Variants in LRP1B observed in about 807,000 individuals in gnomAD.
LRP1B encodes LDL receptor related protein 1B.
LRP1B carries 217 observed loss-of-function variants against 556.6 expected under a neutral mutation model. The ratio of observed to expected loss-of-function variants is 0.39; its 90% CI spans 0.35 to 0.44. The LOEUF is 0.44. Ranked by LOEUF, LRP1B falls within the 20% of genes least tolerant of loss-of-function variation. The probability of loss-of-function intolerance (pLI) is 1.00; values close to 1 mark genes in which losing one functional copy is unlikely to be tolerated. For synonymous variants in LRP1B, 2,047 were observed against 1,865.8 expected (o/e 1.10, Z -2.50); for missense variants, 5,053 against 5,620.8 (o/e 0.90, Z 3.23).
At chr2:141,028,542 C>A (rs1300940783) in intron 11 of LRP1B, among the ~76,000 whole-genome samples, 2 of 151,824 alleles carry the variant, frequency 1.3e-5, no homozygotes, top group Admixed American at 6.6e-5. Flanking sequence ...CAAGATTCAA[C>A]TGAAAATTCC....
At chr2:141,483,091 C>A (rs1247074866) in intron 2 of LRP1B, among the ~76,000 whole-genome samples, 1 of 150,566 alleles carries the variant, frequency 6.6e-6, no homozygotes, top group East Asian at 2.0e-4. Flanking sequence ...TTAGGTGTAT[C>A]TCCTAATGCT....
intron 33 of LRP1B, among the ~76,000 whole-genome samples, 168 bp downstream of exon 33, chr2:140,775,930 A>G (rs902410993): frequency 1.3e-5 from 2 of 152,212 alleles, no homozygotes; most frequent in African/African-American, 4.8e-5. Context: ...CTCATTATGC[A>G]TCTATATTAA....
intron 1 of LRP1B, among the ~76,000 whole-genome samples, chr2:141,940,488 T>G (rs1042672444): frequency 9.9e-5 from 15 of 152,226 alleles, no homozygotes; most frequent in African/African-American, 3.6e-4. Context: ...TAGAGAAGGG[T>G]TGCTGTGACT....
intron 11 of LRP1B, among the ~76,000 whole-genome samples, chr2:141,021,979 TTTTC>T (rs1470705820): frequency 1.3e-5 from 2 of 151,940 alleles, no homozygotes; most frequent in African/African-American, 2.4e-5. Context: ...CTTCTGTCTC[TTTTC>T]TTTAAGGGTA....
intron 2 of LRP1B, among the ~76,000 whole-genome samples, chr2:141,604,008 A>G (rs1687835718): frequency 6.6e-6 from 1 of 152,168 alleles, no homozygotes; most frequent in East Asian, 1.9e-4. Context: ...CTAATTCTTC[A>G]CAGAAGATTC....
chr2:140,833,820 G>T (rs2105081311), intron 31 of LRP1B, among the ~76,000 whole-genome samples: 1 of 152,172 alleles, frequency 6.6e-6, no homozygotes, highest in East Asian at 1.9e-4. Context: ...CAAAGGTTAT[G>T]TTTAATATGT....
At chr2:140,690,714 T>C (rs1686206674) in intron 41 of LRP1B, among the ~76,000 whole-genome samples, 5 of 152,270 alleles carry the variant, frequency 3.3e-5, no homozygotes, top group Middle Eastern at 3.4e-3. Context: ...TCAATGACCA[T>C]GTAACCCTTT....
chr2:141,814,171 A>G (rs549498630), intron 1 of LRP1B, among the ~76,000 whole-genome samples: 1 of 152,318 alleles, frequency 6.6e-6, no homozygotes, highest in Non-Finnish European at 1.5e-5. Context: ...AGAAGAGTAC[A>G]AAACGGGACA....
At chr2:141,241,808 G>A (rs1382205314) in intron 5 of LRP1B, among the ~76,000 whole-genome samples, 1 of 151,546 alleles carries the variant, frequency 6.6e-6, no homozygotes, top group Non-Finnish European at 1.5e-5. Flanking sequence ...CTATGCTGGT[G>A]CTGGTGACTA....
chr2:140,297,082 G>A (rs1204791192), intron 84 of LRP1B, among the ~76,000 whole-genome samples: 4 of 152,086 alleles, frequency 2.6e-5, no homozygotes, highest in Non-Finnish European at 1.5e-5. Flanking sequence ...CCAAGAGGGA[G>A]GGGTCAGGAC....
At chr2:140,278,110 TA>T (rs1682760819) in intron 84 of LRP1B, among the ~76,000 whole-genome samples, 1 of 151,026 alleles carries the variant, frequency 6.6e-6, no homozygotes, top group South Asian at 2.1e-4. Context: ...TTGAGAAAAA[TA>T]GACACAAAAT....
rs541950745 is a variant in LRP1B, at chr2:141,548,622, G to A, written c.206-68089C>T. On this transcript the variant is annotated intron_variant, in intron 2 of 90. Coordinates refer to ENST00000389484, the MANE Select transcript of LRP1B (RefSeq NM_018557.3). The stretch of plus-strand genomic sequence containing the variant: ...AATAAAGATCTTTGACCTTGGGTAG[G>A]ATTTTTTTTGGTACATGACCCAAGA... 3.2e-3 allele frequency among the ~76,000 whole-genome samples: 492 copies of A among 152,240 alleles called. 6 individuals are homozygous for A. Among genetic ancestry groups the A allele is most frequent in the African/African-American group, 0.011 (464 of 41,566 alleles).
At chr2:141,899,975 C>A in intron 1 of LRP1B, among the ~76,000 whole-genome samples, 1 of 151,944 alleles carries the variant, frequency 6.6e-6, no homozygotes, top group Non-Finnish European at 1.5e-5. Flanking sequence ...CAAAGTGCAA[C>A]CTGGAATACC....
chr2:141,514,786 A>G (rs1684252541), intron 2 of LRP1B, among the ~76,000 whole-genome samples: 1 of 152,200 alleles, frequency 6.6e-6, no homozygotes, highest in African/African-American at 2.4e-5. Context: ...AAACAAATCT[A>G]TTTTATAATA....
chr2:140,563,614 C>A (rs2380887), intron 43 of LRP1B, among the ~76,000 whole-genome samples: 65,813 of 151,852 alleles, frequency 0.43, 14,551 homozygotes, highest in Middle Eastern at 0.59. Flanking sequence ...AAATGGAGTA[C>A]TTTTATCAAA....
intron 63 of LRP1B, among the ~76,000 whole-genome samples, chr2:140,445,653 T>C (rs1416495743): frequency 1.3e-5 from 2 of 152,150 alleles, no homozygotes; most frequent in Non-Finnish European, 1.5e-5. Context: ...GAGGATCTAC[T>C]ATGTATCAGG....
chr2:140,948,891 T>A (rs1380922759), intron 20 of LRP1B, among the ~76,000 whole-genome samples: 1 of 152,214 alleles, frequency 6.6e-6, no homozygotes, highest in Non-Finnish European at 1.5e-5. Context: ...CTGGGCTTTT[T>A]AAAAACCTAG....
At chr2:140,783,518 AT>A (rs58491347) in intron 32 of LRP1B, among the ~76,000 whole-genome samples, 63,526 of 151,958 alleles carry the variant, frequency 0.42, 13,503 homozygotes, top group African/African-American at 0.48. Context: ...CAGATGAAGA[AT>A]AGGAGAGAAG....
intron 2 of LRP1B, 125 bp from the exon 3 acceptor site, chr2:141,480,658 G>T: frequency 1.1e-6 from 1 of 930,832 alleles, no homozygotes; most frequent in Non-Finnish European, 1.7e-6. Flanking sequence ...TAAGAGTGCT[G>T]CTCTTGTTCT....
Sources: allele counts gnomAD v4.1 joint callset (sites outside exome capture counted in the v4.1 genomes callset), GRCh38; gene constraint gnomAD v4.1.1; transcripts MANE v1.5; gene names NCBI Gene and HGNC (gene_info 2026-07-23, HGNC 2026-07-21).